Variants in CSTPP1 observed in about 807,000 individuals in gnomAD.
CSTPP1 encodes centriolar satellite-associated tubulin polyglutamylase complex regulator 1.
At chr11:47,056,593 C>G in the CSTPP1 span, among the ~76,000 whole-genome samples, 1 of 152,132 alleles carries the variant, frequency 6.6e-6, no homozygotes. Flanking sequence ...TATTGTTATC[C>G]TTCTTAATCA....
chr11:47,066,118 GT>G, the CSTPP1 span, among the ~76,000 whole-genome samples: 5 of 76,618 alleles, frequency 6.5e-5, no homozygotes, highest in African/African-American at 1.4e-4. Flanking sequence ...TTTTTTTTTT[GT>G]TTGTTTGTTT....
At chr11:47,001,259 C>T in the CSTPP1 span, among the ~76,000 whole-genome samples, 1 of 152,218 alleles carries the variant, frequency 6.6e-6, no homozygotes, top group Non-Finnish European at 1.5e-5. Context: ...TGGCCTCCCT[C>T]ATGCTCTGCT....
chr11:47,071,548 G>T, the CSTPP1 span, among the ~76,000 whole-genome samples: 1 of 152,184 alleles, frequency 6.6e-6, no homozygotes. Flanking sequence ...GGCAAAGACT[G>T]CATATTTTAT....
chr11:47,054,928 A>AT, the CSTPP1 span, among the ~76,000 whole-genome samples: 414 of 68,784 alleles, frequency 6.0e-3, 17 homozygotes, highest in East Asian at 1.0e-2. Context: ...ATAAATTTCA[A>AT]TTTTTTTTTT....
At chr11:47,079,713 TA>T in the CSTPP1 span, among the ~76,000 whole-genome samples, 4 of 152,236 alleles carry the variant, frequency 2.6e-5, no homozygotes, top group East Asian at 7.7e-4. Flanking sequence ...TTTTTTAACA[TA>T]AAAGACTTTT....
At chr11:47,155,318 C>A in the CSTPP1 span, 1 of 1,416,830 alleles carries the variant, frequency 7.1e-7, no homozygotes, top group Non-Finnish European at 1.0e-6. Context: ...CCTGTCCTGC[C>A]CTGCTGCCCT....
chr11:47,041,582 T>C, the CSTPP1 span: 1 of 405,850 alleles, frequency 2.5e-6, no homozygotes, highest in Non-Finnish European at 5.0e-6. Context: ...GCCTCATTGA[T>C]GCCGGGAAAG....
the CSTPP1 span, among the ~76,000 whole-genome samples, chr11:47,105,259 C>T: frequency 6.6e-6 from 1 of 152,096 alleles, no homozygotes; most frequent in East Asian, 1.9e-4. Context: ...CTTTGGGAAG[C>T]AGATGTGAGG....
the CSTPP1 span, among the ~76,000 whole-genome samples, chr11:47,075,926 CAAAAAAAAAA>C: frequency 5.6e-5 from 2 of 35,806 alleles, no homozygotes; most frequent in African/African-American, 1.7e-4. Context: ...GATTCATTCT[CAAAAAAAAAA>C]AAAAAAAAAA....
the CSTPP1 span, among the ~76,000 whole-genome samples, chr11:46,937,472 G>T: frequency 6.6e-6 from 1 of 152,200 alleles, no homozygotes; most frequent in Non-Finnish European, 1.5e-5. Flanking sequence ...GTAGTACTTT[G>T]TTGAGCATCT....
At chr11:47,104,462 T>A in the CSTPP1 span, among the ~76,000 whole-genome samples, 1 of 152,208 alleles carries the variant, frequency 6.6e-6, no homozygotes, top group South Asian at 2.1e-4. Context: ...GCAGACATTC[T>A]TTTCACATCA....
At chr11:47,157,694 T>TG in the CSTPP1 span, 1 of 885,898 alleles carries the variant, frequency 1.1e-6, no homozygotes, top group Admixed American at 2.1e-5. Flanking sequence ...CCCAGGGCCT[T>TG]GGGGCTCCCA....
the CSTPP1 span, among the ~76,000 whole-genome samples, chr11:47,144,973 G>T: frequency 7.1e-6 from 1 of 140,594 alleles, no homozygotes; most frequent in African/African-American, 2.6e-5. Flanking sequence ...TTAAAGTATT[G>T]CCTGCCATTT....
chr11:47,161,587 G>T, the CSTPP1 span: 2 of 1,613,960 alleles, frequency 1.2e-6, no homozygotes, highest in East Asian at 4.5e-5. Flanking sequence ...CCCGAAAAGT[G>T]GATGGAGAGA....
the CSTPP1 span, among the ~76,000 whole-genome samples, chr11:46,994,488 G>A: frequency 2.0e-5 from 3 of 152,168 alleles, no homozygotes; most frequent in African/African-American, 4.8e-5. Context: ...AGCAGGAAGG[G>A]CTGTTGAATT....
At chr11:47,074,469 C>A in the CSTPP1 span, among the ~76,000 whole-genome samples, 3 of 144,128 alleles carry the variant, frequency 2.1e-5, no homozygotes, top group Non-Finnish European at 4.5e-5. Context: ...CACTGCATTT[C>A]AGCCTGGGCA....
At chr11:47,102,888 G>A in the CSTPP1 span, among the ~76,000 whole-genome samples, 1 of 151,458 alleles carries the variant, frequency 6.6e-6, no homozygotes, top group African/African-American at 2.4e-5. Context: ...ACTTTAAAAT[G>A]TGGTTAAGCC....
chr11:46,969,737 AC>A, the CSTPP1 span, among the ~76,000 whole-genome samples: 1 of 152,202 alleles, frequency 6.6e-6, no homozygotes, highest in Non-Finnish European at 1.5e-5. Context: ...ATGAACAGTT[AC>A]CCACAGCTAT....
chr11:46,994,502 T>A, the CSTPP1 span, among the ~76,000 whole-genome samples: 29 of 152,352 alleles, frequency 1.9e-4, no homozygotes, highest in African/African-American at 7.0e-4. Flanking sequence ...TTGAATTTTG[T>A]CAAAGGCCTT....
Sources: allele counts gnomAD v4.1 joint callset (sites outside exome capture counted in the v4.1 genomes callset), GRCh38; gene constraint gnomAD v4.1.1; transcripts MANE v1.5; gene names NCBI Gene and HGNC (gene_info 2026-07-23, HGNC 2026-07-21).